The following LITAF variants were observed in gnomAD, a reference collection of about 807,000 sequenced individuals.
LITAF encodes lipopolysaccharide-induced tumor necrosis factor-alpha factor.
Under a neutral mutation model 14.5 loss-of-function variants are expected in LITAF, and 9 were observed. That is an observed-to-expected ratio of 0.62 (90% CI 0.37 to 1.08). The LOEUF is 1.08. Among genes scored for constraint, LITAF ranks in the 50% least tolerant of loss-of-function variants. The probability of loss-of-function intolerance (pLI) is 0.01; values close to 1 mark genes in which losing one functional copy is unlikely to be tolerated. For synonymous variants in LITAF, 98 were observed against 88.2 expected (o/e 1.11, Z -0.62); for missense variants, 206 against 213.4 (o/e 0.97, Z 0.22).
chr16:11,630,474 T>C (rs1034594855), intron 3 of LITAF, among the ~76,000 whole-genome samples: 14 of 151,996 alleles, frequency 9.2e-5, no homozygotes, highest in Non-Finnish European at 1.5e-5. Flanking sequence ...ACCCTCCTCC[T>C]GTGCCCCGCC....
chr16:11,611,167 TAGTG>T (rs1172549735), intron 3 of LITAF, among the ~76,000 whole-genome samples: 1 of 151,168 alleles, frequency 6.6e-6, no homozygotes, highest in Non-Finnish European at 1.5e-5. Context: ...TAGGCAAAAA[TAGTG>T]AGACAAAAAA....
At chr16:11,612,576 G>T (rs138360561) in intron 3 of LITAF, among the ~76,000 whole-genome samples, 1 of 152,328 alleles carries the variant, frequency 6.6e-6, no homozygotes, top group Non-Finnish European at 1.5e-5. Context: ...GCCCAGCTCA[G>T]GACGCTCACG....
intron 3 of LITAF, among the ~76,000 whole-genome samples, chr16:11,617,158 T>C (rs1262554851): frequency 6.6e-6 from 1 of 151,870 alleles, no homozygotes; most frequent in Non-Finnish European, 1.5e-5. Context: ...AGGCAGTAGT[T>C]GCAGTGAGCC....
intron 3 of LITAF, among the ~76,000 whole-genome samples, chr16:11,622,458 G>A (rs967827134): frequency 6.6e-6 from 1 of 152,216 alleles, no homozygotes; most frequent in Admixed American, 6.5e-5. Context: ...GCAATCACGG[G>A]AGAGCCACTT....
In LITAF at chr16:11,586,072, A is replaced by G. The variant is rs749194831; in HGVS notation, c.-6+814T>C. On this transcript the variant is annotated intron_variant, in intron 1 of 3. Coordinates refer to ENST00000622633, the MANE Select transcript of LITAF (RefSeq NM_001136472.2). The surrounding 1 kb of genome is among the most constrained non-coding windows in gnomAD (Gnocchi z 6.5). ...ACCTGCAAACCAGAGCGGGGAGGGT[A>G]TTTGCCTAGCTTGGCAGGGAGGGGC... 1.3e-5 allele frequency: 2 copies of G among 152,374 alleles called. No homozygotes were observed. Among genetic ancestry groups the G allele is most frequent in the Non-Finnish European group, 2.9e-5 (2 of 68,226 alleles). The allele number at this position is 152,374 out of a possible 1,614,324, so 9.4% of individuals were successfully genotyped here.
At chr16:11,571,349 G>C (rs1055434188) in intron 1 of LITAF, among the ~76,000 whole-genome samples, 1 of 152,204 alleles carries the variant, frequency 6.6e-6, no homozygotes, top group Non-Finnish European at 1.5e-5. Context: ...TTACAGGCGT[G>C]AGCCACTGCG....
In LITAF at chr16:11,586,091, G is replaced by A. The variant is rs1304209006; in HGVS notation, c.-6+795C>T. On this transcript the variant is annotated intron_variant, in intron 1 of 3. Transcript: ENST00000622633. This position sits in a 1 kb window ranked among gnomAD's most constrained non-coding sequence, Gnocchi z 6.5. ...GAGGGTATTTGCCTAGCTTGGCAGGGAGGGGCGAGATCCACTTCTGCCACC... is the reference window on the plus strand; with the variant it reads ...GAGGGTATTTGCCTAGCTTGGCAGGAAGGGGCGAGATCCACTTCTGCCACC... The A allele has an allele frequency of 1.3e-5, 2 of 152,508 alleles. No homozygotes were observed. Among genetic ancestry groups the A allele is most frequent in the African/African-American group, 4.8e-5 (2 of 41,464 alleles). The allele number at this position is 152,508 out of a possible 1,614,324, so 9.4% of individuals were successfully genotyped here. A position where few individuals can be genotyped will look rare whatever the true frequency, so the allele number is the denominator to read the frequency against.
rs533571091 is a variant in LITAF, at chr16:11,605,872, G to A, written c.85+27661C>T. Among the ~76,000 whole-genome samples, 8 of 152,218 alleles carry A rather than the reference G, an allele frequency of 5.3e-5. No individual in the cohort carries two copies. In the East Asian group the frequency reaches 5.8e-4, roughly 11 times the overall value. On this transcript the variant is annotated intron_variant, in intron 3 of 3. Transcript: ENST00000574848. This position sits in a 1 kb window ranked among gnomAD's most constrained non-coding sequence, Gnocchi z 4.7. Reference sequence around the variant, plus strand: ...AGGAGGTAGGTTCCACTGTTCCCACGGAAACTTATCAATAGCTGCCTCTTT... The same window carrying A: ...AGGAGGTAGGTTCCACTGTTCCCACAGAAACTTATCAATAGCTGCCTCTTT...
At chr16:11,557,181 C>G (rs540357547) in intron 1 of LITAF, among the ~76,000 whole-genome samples, 1 of 151,944 alleles carries the variant, frequency 6.6e-6, no homozygotes, top group Non-Finnish European at 1.5e-5. Flanking sequence ...CAAATTATCA[C>G]AAATAGCAAA....
chr16:11,612,948 G>T (rs1194883442), intron 3 of LITAF, among the ~76,000 whole-genome samples: 1 of 152,170 alleles, frequency 6.6e-6, no homozygotes, highest in Non-Finnish European at 1.5e-5. Context: ...TGTCATCTTG[G>T]GGCACAGCCG....
In LITAF at chr16:11,553,476, GCCAGCAC is replaced by G. The variant is rs764513698; in HGVS notation, c.377+50_377+56del. 2 of 1,577,330 alleles carry G rather than the reference GCCAGCAC, an allele frequency of 1.3e-6. No homozygotes were observed. The highest frequency in any genetic ancestry group is 1.7e-6 in the Non-Finnish European group (2 of 1,151,554). On this transcript the variant is annotated intron_variant, in intron 3 of 3. Coordinates refer to ENST00000622633, the MANE Select transcript of LITAF (RefSeq NM_001136472.2). The surrounding 1 kb of genome is among the most constrained non-coding windows in gnomAD (Gnocchi z 7.7). Reference sequence around the variant, plus strand: ...ATGGTGCAGTTGAGAACCCACCCCCGCCAGCACCCAGAGAGAAGGGCAGGATGGCTTG... The same window carrying G: ...ATGGTGCAGTTGAGAACCCACCCCCGCCAGAGAGAAGGGCAGGATGGCTTG...
chr16:11,586,582 G>A lies in LITAF; in HGVS notation c.-6+304C>T, dbSNP rs1363709739. ...GAGGGGGACGCGGCGGGCCGCGAAG[G>A]GCGCTCGTTCGGGTGGGGGCCGGAC... On this transcript the variant is annotated intron_variant, in intron 1 of 3. Coordinates refer to ENST00000622633, the MANE Select transcript of LITAF (RefSeq NM_001136472.2). This position sits in a 1 kb window ranked among gnomAD's most constrained non-coding sequence, Gnocchi z 6.5. Among the ~76,000 whole-genome samples the A allele has an allele frequency of 1.3e-5, 2 of 151,750 alleles. No homozygotes were observed. Among genetic ancestry groups the A allele is most frequent in the African/African-American group, 4.8e-5 (2 of 41,382 alleles).
At chr16:11,608,512 C>T (rs1236079928) in intron 3 of LITAF, among the ~76,000 whole-genome samples, 1 of 152,214 alleles carries the variant, frequency 6.6e-6, no homozygotes, top group Non-Finnish European at 1.5e-5. Context: ...GGTGGAAACA[C>T]CCCAAATGTC....
chr16:11,568,673 GTTTTTTTTTGT>G (rs1194712631), intron 1 of LITAF, among the ~76,000 whole-genome samples: 1 of 116,370 alleles, frequency 8.6e-6, no homozygotes, highest in African/African-American at 3.6e-5. Flanking sequence ...GTACACCCTT[GTTTTTTTTTGT>G]TTTTTTTTTT....
chr16:11,566,506 G>A (rs116189368), intron 1 of LITAF, among the ~76,000 whole-genome samples: 182 of 152,330 alleles, frequency 1.2e-3, no homozygotes, highest in African/African-American at 4.3e-3. Flanking sequence ...GCTCATGCCT[G>A]AAATCCCAAC....
chr16:11,586,557 G>A lies in LITAF; in HGVS notation c.-6+329C>T, dbSNP rs2064809759. ...AAGCCCAGGGGCCGTCCTCTCCGGGGAGGGGGACGCGGCGGGCCGCGAAGG... is the reference window on the plus strand; with the variant it reads ...AAGCCCAGGGGCCGTCCTCTCCGGGAAGGGGGACGCGGCGGGCCGCGAAGG... On this transcript the variant is annotated intron_variant, in intron 1 of 3. Transcript: ENST00000622633. This position sits in a 1 kb window ranked among gnomAD's most constrained non-coding sequence, Gnocchi z 6.5. Among the ~76,000 whole-genome samples the A allele has an allele frequency of 6.6e-6, 1 of 152,112 alleles. No homozygotes were observed. Among genetic ancestry groups the A allele is most frequent in the East Asian group, 1.9e-4 (1 of 5,194 alleles).
Position 11,553,456 on chromosome 16 carries a change from G to T in LITAF, c.377+77C>A. 2 of 1,449,788 alleles carry T rather than the reference G, an allele frequency of 1.4e-6. No individual in the cohort carries two copies. The highest frequency in any genetic ancestry group is 1.9e-6 in the Non-Finnish European group (2 of 1,041,350). 89.8% of individuals were successfully genotyped at this position (1,449,788 alleles called of 1,614,324 possible). A position where few individuals can be genotyped will look rare whatever the true frequency, so the allele number is the denominator to read the frequency against. On this transcript the variant is annotated intron_variant, in intron 3 of 3. Transcript: ENST00000622633. This position sits in a 1 kb window ranked among gnomAD's most constrained non-coding sequence, Gnocchi z 7.7. ...TCTGGCCCTGAATGTCAAGCATGGTGCAGTTGAGAACCCACCCCCGCCAGC... is the reference window on the plus strand; with the variant it reads ...TCTGGCCCTGAATGTCAAGCATGGTTCAGTTGAGAACCCACCCCCGCCAGC...
upstream of LITAF, among the ~76,000 whole-genome samples, chr16:11,636,874 C>CTTTTTT (rs58560112): frequency 6.9e-6 from 1 of 144,466 alleles, no homozygotes. Context: ...ATTTATTTTT[C>CTTTTTT]TTTTTTTTTT....
chr16:11,570,554 C>T (rs538607836), intron 1 of LITAF, among the ~76,000 whole-genome samples: 2 of 152,288 alleles, frequency 1.3e-5, no homozygotes, highest in East Asian at 3.9e-4. Flanking sequence ...TTGTTCACAG[C>T]CTAATCCCTG....
Sources: gnomAD v4.1 joint callset for allele counts (sites outside exome capture counted in the v4.1 genomes callset) on GRCh38, gnomAD v4.1.1 for gene constraint, Gnocchi (gnomAD v3.1) non-coding constraint, MANE v1.5 for transcripts, NCBI Gene and HGNC (gene_info 2026-07-23, HGNC 2026-07-21) for gene names.